CDH12: variants seen among roughly 807,000 people sequenced by gnomAD.
CDH12 encodes cadherin 12.
CDH12 carries 41 observed loss-of-function variants against 74.1 expected under a neutral mutation model. The ratio of observed to expected loss-of-function variants is 0.55; its 90% confidence interval spans 0.43 to 0.72. CDH12 has a LOEUF of 0.72. CDH12 is among the 30% of genes least tolerant of loss of function. The pLI is 0.00. For synonymous variants in CDH12, 399 were observed against 355.0 expected (o/e 1.12, Z -1.39); for missense variants, 945 against 977.2 (o/e 0.97, Z 0.44).
chr5:22,132,928 C>T (rs1396813590), intron 4 of CDH12, among the ~76,000 whole-genome samples: 2 of 152,074 alleles, frequency 1.3e-5, no homozygotes, highest in Admixed American at 6.6e-5. Context: ...CAGTTTTGAT[C>T]AAACATGTTT....
chr5:22,509,474 G>GA (rs1014753757), intron 1 of CDH12, among the ~76,000 whole-genome samples: 3 of 152,136 alleles, frequency 2.0e-5, no homozygotes, highest in African/African-American at 7.2e-5. Flanking sequence ...TTGACAGGAA[G>GA]AAAAAATAAA....
intron 3 of CDH12, among the ~76,000 whole-genome samples, chr5:22,251,976 A>G (rs1344872267): frequency 6.6e-6 from 1 of 152,146 alleles, no homozygotes; most frequent in Admixed American, 6.6e-5. Flanking sequence ...GTAGCTTAAA[A>G]TTACACATTT....
rs575434674 is a variant in CDH12, at chr5:21,766,156, C to T, written c.1394-1057G>A. On this transcript the variant is annotated intron_variant, in intron 11 of 14. Coordinates refer to ENST00000382254, the MANE Select transcript of CDH12 (RefSeq NM_004061.5). ...AGAATGCATACAAAATCATTCCACA[C>T]GACTGATTTTGAAAGGTATACAATA... Among the ~76,000 whole-genome samples, 205 of 152,034 alleles carry T rather than the reference C, an allele frequency of 1.3e-3. 1 individual carries two copies. The highest frequency in any genetic ancestry group is 0.01 in the Middle Eastern group (3 of 294).
intron 6 of CDH12, among the ~76,000 whole-genome samples, chr5:21,970,808 C>T (rs926831017): frequency 3.1e-5 from 4 of 128,660 alleles, no homozygotes; most frequent in Non-Finnish European, 6.2e-5. Context: ...CCACTACACT[C>T]CGGCCTGGGC....
chr5:22,082,157 A>G (rs1742778274), intron 4 of CDH12, among the ~76,000 whole-genome samples: 1 of 152,152 alleles, frequency 6.6e-6, no homozygotes, highest in Admixed American at 6.5e-5. Flanking sequence ...GGACAGCAAA[A>G]CTAGAAGGGG....
intron 8 of CDH12, among the ~76,000 whole-genome samples, chr5:21,822,277 T>A (rs1459828293): frequency 6.7e-6 from 1 of 148,156 alleles, no homozygotes; most frequent in Non-Finnish European, 1.5e-5. Context: ...ATATGTATTA[T>A]AATTTTTCCT....
intron 1 of CDH12, among the ~76,000 whole-genome samples, chr5:22,743,039 A>G (rs1745106548): frequency 6.6e-6 from 1 of 151,366 alleles, no homozygotes; most frequent in South Asian, 2.1e-4. Context: ...AAAGCAAGAG[A>G]CATTTCCTCC....
chr5:22,355,958 A>G (rs868428095), intron 3 of CDH12, among the ~76,000 whole-genome samples: 14 of 152,344 alleles, frequency 9.2e-5, no homozygotes, highest in African/African-American at 2.9e-4. Flanking sequence ...GTCCATTTGC[A>G]TATGCCATCA....
At chr5:22,571,855 A>C (rs995137312) in intron 1 of CDH12, among the ~76,000 whole-genome samples, 1 of 152,192 alleles carries the variant, frequency 6.6e-6, no homozygotes, top group African/African-American at 2.4e-5. Context: ...GGCATGGTTC[A>C]TGGCACTACA....
intron 3 of CDH12, among the ~76,000 whole-genome samples, chr5:22,345,063 C>A (rs1438453735): frequency 6.6e-6 from 1 of 152,156 alleles, no homozygotes; most frequent in Non-Finnish European, 1.5e-5. Flanking sequence ...TTGCCAATTT[C>A]AAAATAAAAC....
chr5:22,080,089 C>T (rs997018921), intron 4 of CDH12, among the ~76,000 whole-genome samples: 1 of 152,054 alleles, frequency 6.6e-6, no homozygotes, highest in African/African-American at 2.4e-5. Flanking sequence ...GTGCTTCGAG[C>T]CTATAAGGTT....
At chr5:22,298,531 ACTCTAAAG>A (rs755072178) in intron 3 of CDH12, among the ~76,000 whole-genome samples, 36 of 125,808 alleles carry the variant, frequency 2.9e-4, no homozygotes, top group Non-Finnish European at 5.1e-4. Flanking sequence ...CTTTGAATGA[ACTCTAAAG>A]CCATTTTTAT....
chr5:22,337,193 G>A (rs1481706038), intron 3 of CDH12, among the ~76,000 whole-genome samples: 2 of 152,120 alleles, frequency 1.3e-5, no homozygotes, highest in African/African-American at 4.8e-5. Flanking sequence ...GTACCCCATT[G>A]TATCTAGGAA....
chr5:22,494,247 T>C (rs914271057), intron 2 of CDH12, among the ~76,000 whole-genome samples: 2 of 152,168 alleles, frequency 1.3e-5, no homozygotes, highest in Non-Finnish European at 2.9e-5. Flanking sequence ...TTTCCCCAAG[T>C]CTTCTGGTTT....
chr5:22,570,176 C>T (rs887926247), intron 1 of CDH12, among the ~76,000 whole-genome samples: 1 of 151,880 alleles, frequency 6.6e-6, no homozygotes, highest in African/African-American at 2.4e-5. Flanking sequence ...CTGCCTCAGC[C>T]TCTCGAGCAG....
At chr5:22,276,890 C>T (rs913606807) in intron 3 of CDH12, among the ~76,000 whole-genome samples, 1 of 152,100 alleles carries the variant, frequency 6.6e-6, no homozygotes, top group African/African-American at 2.4e-5. Flanking sequence ...TTAAATCTCA[C>T]AATAAACCTA....
chr5:21,997,963 T>C (rs1386112543), intron 5 of CDH12, among the ~76,000 whole-genome samples: 1 of 152,138 alleles, frequency 6.6e-6, no homozygotes, highest in African/African-American at 2.4e-5. Context: ...GATGAGAATG[T>C]GTTTCCTTAG....
At chr5:22,570,144 C>T (rs1402516252) in intron 1 of CDH12, among the ~76,000 whole-genome samples, 5 of 151,956 alleles carry the variant, frequency 3.3e-5, no homozygotes, top group African/African-American at 1.2e-4. Context: ...CAACCTTCAC[C>T]TCCCAGGTTC....
At chr5:21,980,737 A>C (rs1291501411) in intron 5 of CDH12, among the ~76,000 whole-genome samples, 1 of 152,164 alleles carries the variant, frequency 6.6e-6, no homozygotes, top group Non-Finnish European at 1.5e-5. Context: ...TCATAAATTC[A>C]TTACCAAAAT....
Sources: allele counts gnomAD v4.1 joint callset (sites outside exome capture counted in the v4.1 genomes callset), GRCh38; gene constraint gnomAD v4.1.1; transcripts MANE v1.5; gene names NCBI Gene and HGNC (gene_info 2026-07-23, HGNC 2026-07-21).